ZFYVE26: variants seen among roughly 807,000 people sequenced by gnomAD.
ZFYVE26 encodes zinc finger FYVE domain-containing protein 26.
Under a neutral mutation model 276.5 loss-of-function variants are expected in ZFYVE26, and 181 were observed. That is an observed-to-expected ratio of 0.65 (90% CI 0.58 to 0.74). The LOEUF is 0.74. ZFYVE26 is among the 30% of genes least tolerant of loss of function. The pLI, the probability that ZFYVE26 is intolerant of heterozygous loss-of-function variation, is 0.00. For missense variants in ZFYVE26, 2,821 were observed against 3,097.9 expected (o/e 0.91, Z 2.12); for synonymous variants, 1,129 against 1,203.1 (o/e 0.94, Z 1.27).
At chr14:67,785,368 C>T (rs2140226835) in intron 18 of ZFYVE26, 91 bp from the exon 19 acceptor site, 2 of 1,172,550 alleles carry the variant, frequency 1.7e-6, no homozygotes, top group Non-Finnish European at 2.5e-6. Context: ...GAACTGTGCC[C>T]CCTATACACT....
Position 67,766,289 on chromosome 14 carries a change from C to G in ZFYVE26, c.5949G>C (p.Leu1983=). 6.2e-7 allele frequency: 1 copy of G among 1,613,954 alleles called. No homozygotes were observed. Residue 1983 remains leucine (L), a synonymous_variant, in exon 32 of 42, where the codon CTG becomes CTC. Transcript: ENST00000347230. ...TGACGAACATCATCTTGGCGCTGAA[C>G]AGCAGCTGCTTCATGATGTCCGTGA... is the stretch of plus-strand genomic sequence containing the variant. The part of the protein sequence containing the change: ...GLLTDIMKQL[L]FSAKMMFVKA...
At chr14:67,759,966 TTCTCC>T (rs2038890151) in intron 35 of ZFYVE26, among the ~76,000 whole-genome samples, 1 of 152,214 alleles carries the variant, frequency 6.6e-6, no homozygotes, top group African/African-American at 2.4e-5. Context: ...ACAATGTCTT[TTCTCC>T]TCTCCCTACC....
intron 13 of ZFYVE26, chr14:67,735,204 T>A (rs987254896): frequency 7.6e-6 from 11 of 1,447,354 alleles, no homozygotes; most frequent in Non-Finnish European, 8.7e-6. Context: ...GATTCCAGAC[T>A]CCATCATTTC....
At chr14:67,775,729 A>G in intron 26 of ZFYVE26, 131 bp downstream of exon 26, 1 of 1,291,982 alleles carries the variant, frequency 7.7e-7, no homozygotes. Context: ...ATAAAGAGAT[A>G]GCTCTTCTGA....
At chr14:67,761,610 A>G in intron 34 of ZFYVE26, 26 bp from the exon 35 acceptor site, 1 of 1,605,510 alleles carries the variant, frequency 6.2e-7, no homozygotes, top group Non-Finnish European at 8.5e-7. Context: ...GCGAGAGAGA[A>G]AAATGAAACT....
At chr14:67,729,096 C>G in intron 14 of ZFYVE26, 11 of 1,256,132 alleles carry the variant, frequency 8.8e-6, no homozygotes, top group Non-Finnish European at 1.2e-5. Flanking sequence ...TTTCCTGAGT[C>G]CCTCCTTCTC....
intron 27 of ZFYVE26, 85 bp downstream of exon 27, chr14:67,774,931 C>CAAAA (rs35993176): frequency 2.1e-4 from 173 of 810,602 alleles, no homozygotes; most frequent in South Asian, 2.9e-4. Flanking sequence ...AAAAAAGAAG[C>CAAAA]AAAAAAAAAA....
intron 9 of ZFYVE26, 63 bp from the exon 10 acceptor site, chr14:67,802,345 T>C (rs2040095182): frequency 6.5e-7 from 1 of 1,539,114 alleles, no homozygotes; most frequent in African/African-American, 1.4e-5. Context: ...CAAGTATGGG[T>C]GAAGCAAAGA....
intron 33 of ZFYVE26, 69 bp downstream of exon 33, chr14:67,762,603 T>C: frequency 6.2e-7 from 1 of 1,606,136 alleles, no homozygotes; most frequent in African/African-American, 1.3e-5. Flanking sequence ...AACACCTGTT[T>C]GCAAGGCTAA....
At chr14:67,787,238 G>A (rs1460145800) in intron 16 of ZFYVE26, among the ~76,000 whole-genome samples, 1 of 152,146 alleles carries the variant, frequency 6.6e-6, no homozygotes, top group South Asian at 2.1e-4. Flanking sequence ...TAGCTACTGC[G>A]GGGTTGTGGG....
intron 3 of ZFYVE26, among the ~76,000 whole-genome samples, chr14:67,813,241 G>C (rs1363279181): frequency 6.6e-6 from 1 of 152,208 alleles, no homozygotes; most frequent in Non-Finnish European, 1.5e-5. Context: ...GGAAAAAGCA[G>C]AGGATTGAGG....
In ZFYVE26 at chr14:67,798,252, G is replaced by C. The variant is rs749925808; in HGVS notation, c.2010C>G (p.His670Gln). The C allele has an allele frequency of 2.2e-5, 35 of 1,614,068 alleles. No homozygotes were observed. In the Admixed American group the frequency reaches 5.5e-4, roughly 25 times the overall value. ...GAAATCCACTGATACCACTAGTAAA[G>C]TGTTTTAAGTCCAAAAAGCTGTGCC... The part of the protein sequence containing the change: ...PHRHSFLDLK[H>Q]FTSGISGFLA... Residue 670 changes from histidine to glutamine, a missense_variant, in exon 11 of 42, where the codon CAC becomes CAG. By Grantham distance (24) the His-to-Gln change is conservative. Coordinates refer to ENST00000347230, the MANE Select transcript of ZFYVE26 (RefSeq NM_015346.4).
chr14:67,811,785 GTATATTTAATTTTGTAATTT>G (rs1260877860), intron 3 of ZFYVE26, among the ~76,000 whole-genome samples: 1 of 146,606 alleles, frequency 6.8e-6, no homozygotes, highest in African/African-American at 2.5e-5. Context: ...TTGCTTATTT[GTATATTTAATTTTGTAATTT>G]TACAAATTTA....
At chr14:67,758,436 G>A (rs7152299) in intron 35 of ZFYVE26, among the ~76,000 whole-genome samples, 4,333 of 152,136 alleles carry the variant, frequency 0.028, 117 homozygotes, top group Admixed American at 0.08. Context: ...ACTAGGTCAG[G>A]TGCCTGAATA....
chr14:67,767,813 G>A lies in ZFYVE26; in HGVS notation c.5681C>T (p.Pro1894Leu), dbSNP rs1421239398. The change falls in exon 31 of 42, where the codon CCT becomes CTT. Residue 1894 changes from proline to leucine, a missense_variant. By Grantham distance (98) the Pro-to-Leu change is moderately conservative (BLOSUM62 -3). Transcript: ENST00000347230. ...EALDSSKNES[P>L]PYSFVVRVPK... ...GACTCTCACCACAAACGAGTATGGAGGGCTTTCATTCTTGGAGCTGTCTAG... is the reference window on the plus strand; with the variant it reads ...GACTCTCACCACAAACGAGTATGGAAGGCTTTCATTCTTGGAGCTGTCTAG... The A allele has an allele frequency of 3.7e-6, 6 of 1,614,004 alleles. No homozygotes were observed. The highest frequency in any genetic ancestry group is 1.1e-5 in the South Asian group (1 of 91,078).
chr14:67,758,507 C>T (rs1008374817), intron 35 of ZFYVE26, among the ~76,000 whole-genome samples: 4 of 152,112 alleles, frequency 2.6e-5, no homozygotes, highest in Non-Finnish European at 5.9e-5. Flanking sequence ...TGTAAACAAA[C>T]AGTGGCAATC....
intron 16 of ZFYVE26, among the ~76,000 whole-genome samples, 193 bp from the exon 17 acceptor site, chr14:67,786,426 TGGCAAGATGCCTCA>T (rs1390417769): frequency 6.6e-6 from 1 of 152,248 alleles, no homozygotes; most frequent in African/African-American, 2.4e-5. Context: ...GGACTGACTC[TGGCAAGATGCCTCA>T]GCTGTCAACA....
intron 3 of ZFYVE26, among the ~76,000 whole-genome samples, chr14:67,809,499 C>T (rs886858803): frequency 2.0e-5 from 3 of 148,084 alleles, no homozygotes; most frequent in South Asian, 2.1e-4. Context: ...TTTAGCTTAC[C>T]GCAACCTCCA....
At chr14:67,797,639 G>A in intron 12 of ZFYVE26, 33 bp downstream of exon 12, 1 of 1,608,318 alleles carries the variant, frequency 6.2e-7, no homozygotes, top group Non-Finnish European at 8.5e-7. Flanking sequence ...TACACCACTT[G>A]CCTAGTGCAT....
Sources: allele counts gnomAD v4.1 joint callset (sites outside exome capture counted in the v4.1 genomes callset), GRCh38; gene constraint gnomAD v4.1.1; transcripts MANE v1.5; gene names NCBI Gene and HGNC (gene_info 2026-07-23, HGNC 2026-07-21).